Variants in PVT1 observed in about 807,000 individuals in gnomAD.
PVT1 encodes CXCR4/PVT1 fusion.
Position 127,874,758 on chromosome 8 carries a change from T to C in PVT1, n.373-15831T>C, listed in dbSNP as rs558038431. ...CTTCTTCTTCCCCAAAAGAAGGTTTTCATCCTCCTTAAGGCTTTTGCCCAC... is the reference window on the plus strand; with the variant it reads ...CTTCTTCTTCCCCAAAAGAAGGTTTCCATCCTCCTTAAGGCTTTTGCCCAC... On this transcript the variant is annotated intron_variant and non_coding_transcript_variant, in intron 2 of 10. Transcript: ENST00000651587. 8.5e-5 allele frequency among the ~76,000 whole-genome samples: 13 copies of C among 152,364 alleles called. No homozygotes were observed. The East Asian group carries it at 2.5e-3, about 29-fold the overall frequency.
At chr8:128,080,562 T>G (rs973359939) in intron 5 of PVT1, among the ~76,000 whole-genome samples, 30 of 152,266 alleles carry the variant, frequency 2.0e-4, no homozygotes, top group African/African-American at 6.5e-4. Context: ...GGGTTGCTCA[T>G]TTCCCTATTC....
chr8:127,942,813 G>A (rs1816368767), intron 3 of PVT1, among the ~76,000 whole-genome samples: 1 of 152,186 alleles, frequency 6.6e-6, no homozygotes, highest in Admixed American at 6.5e-5. Context: ...TCCTGTCCTG[G>A]GTACTCTTTA....
intron 3 of PVT1, among the ~76,000 whole-genome samples, chr8:127,950,145 G>A (rs983681156): frequency 6.6e-6 from 1 of 150,702 alleles, no homozygotes; most frequent in African/African-American, 2.5e-5. Flanking sequence ...AAACTTCCGG[G>A]GCACATGCTC....
chr8:127,952,909 C>T (rs1014729211), intron 3 of PVT1, among the ~76,000 whole-genome samples: 3 of 152,144 alleles, frequency 2.0e-5, no homozygotes, highest in South Asian at 2.1e-4. Context: ...GGACTACAGG[C>T]GCCCGCCACC....
intron 5 of PVT1, among the ~76,000 whole-genome samples, chr8:128,074,479 T>C (rs574356531): frequency 6.9e-5 from 10 of 144,926 alleles, no homozygotes; most frequent in Non-Finnish European, 1.3e-4. Flanking sequence ...GCCGAGATCA[T>C]GCCACAGCAC....
At chr8:127,963,797 C>T (rs567728533) in intron 3 of PVT1, among the ~76,000 whole-genome samples, 2 of 152,250 alleles carry the variant, frequency 1.3e-5, no homozygotes, top group African/African-American at 4.8e-5. Flanking sequence ...TGGAGTCCTG[C>T]CCTAAATCCA....
chr8:128,081,495 G>A (rs1439130327), intron 5 of PVT1, among the ~76,000 whole-genome samples: 1 of 152,206 alleles, frequency 6.6e-6, no homozygotes, highest in Non-Finnish European at 1.5e-5. Flanking sequence ...TTTGTTCAGA[G>A]ATTTTTCGTT....
At chr8:127,885,315 G>A (rs1815511342) in intron 2 of PVT1, among the ~76,000 whole-genome samples, 1 of 152,166 alleles carries the variant, frequency 6.6e-6, no homozygotes, top group Non-Finnish European at 1.5e-5. Context: ...AGTCCTTTAT[G>A]TTGTTTATTG....
chr8:127,940,840 G>A (rs1162719150), intron 3 of PVT1, among the ~76,000 whole-genome samples: 1 of 152,278 alleles, frequency 6.6e-6, no homozygotes, highest in African/African-American at 2.4e-5. Context: ...GGACTCAAGC[G>A]ATCCTCCCAC....
intron 2 of PVT1, among the ~76,000 whole-genome samples, chr8:127,868,792 T>C (rs375065920): frequency 5.8e-3 from 215 of 36,990 alleles, no homozygotes; most frequent in Middle Eastern, 0.017. Context: ...TATATATATA[T>C]ACATATATAT....
chr8:127,868,781 A>ACG (rs1815314237), intron 2 of PVT1, among the ~76,000 whole-genome samples: 1 of 118,352 alleles, frequency 8.4e-6, no homozygotes, highest in South Asian at 2.6e-4. Flanking sequence ...ATATATATAT[A>ACG]TATATATATA....
At chr8:128,043,554 A>G (rs1813571275) in intron 4 of PVT1, among the ~76,000 whole-genome samples, 1 of 152,174 alleles carries the variant, frequency 6.6e-6, no homozygotes, top group Non-Finnish European at 1.5e-5. Flanking sequence ...CAGGAGCCTC[A>G]GCAGCCCATC....
At chr8:127,979,716 C>T (rs188212267) in intron 3 of PVT1, among the ~76,000 whole-genome samples, 1 of 152,276 alleles carries the variant, frequency 6.6e-6, no homozygotes, top group East Asian at 1.9e-4. Context: ...TTCATGTGCC[C>T]CCGACCCCAC....
At chr8:128,035,856 G>C (rs1813455673) in intron 4 of PVT1, among the ~76,000 whole-genome samples, 1 of 152,208 alleles carries the variant, frequency 6.6e-6, no homozygotes, top group African/African-American at 2.4e-5. Flanking sequence ...GCAGCCTCTA[G>C]AAGTGGAAGA....
chr8:127,865,587 A>G (rs538655988), intron 2 of PVT1, among the ~76,000 whole-genome samples: 7 of 152,292 alleles, frequency 4.6e-5, no homozygotes, highest in African/African-American at 1.7e-4. Flanking sequence ...GCCATGAGAC[A>G]AGGAATAACC....
chr8:127,835,378 G>A (rs1814898203), intron 2 of PVT1, among the ~76,000 whole-genome samples: 2 of 141,292 alleles, frequency 1.4e-5, no homozygotes, highest in African/African-American at 5.2e-5. Context: ...TTCTCATTCA[G>A]AAGTGGGAGT....
At chr8:128,042,953 A>G (rs112866526) in intron 4 of PVT1, among the ~76,000 whole-genome samples, 4,168 of 151,762 alleles carry the variant, frequency 0.027, 190 homozygotes, top group African/African-American at 0.094. Flanking sequence ...TAGTAGAGAC[A>G]GGGTTTCACC....
chr8:127,802,777 G>A (rs1046549397), intron 2 of PVT1, among the ~76,000 whole-genome samples: 1 of 152,138 alleles, frequency 6.6e-6, no homozygotes, highest in Non-Finnish European at 1.5e-5. Context: ...TGCCATCTTC[G>A]GGAAGTTTCC....
chr8:127,993,917 G>A (rs1374605427), intron 4 of PVT1, among the ~76,000 whole-genome samples: 1 of 152,182 alleles, frequency 6.6e-6, no homozygotes, highest in African/African-American at 2.4e-5. Flanking sequence ...TTCTCTGAAG[G>A]AATCACAGGG....
Sources: gnomAD v4.1 joint callset for allele counts (sites outside exome capture counted in the v4.1 genomes callset) on GRCh38, gnomAD v4.1.1 for gene constraint, MANE v1.5 for transcripts, NCBI Gene and HGNC (gene_info 2026-07-23, HGNC 2026-07-21) for gene names.